S100Z: variants seen among roughly 807,000 people sequenced by gnomAD.
S100Z encodes the protein S100 calcium binding protein Z.
Under a neutral mutation model 8.5 loss-of-function variants are expected in S100Z, and 11 were observed. That is an observed-to-expected ratio of 1.30 (90% CI 0.82 to 2.15). S100Z has a LOEUF of 2.15. Ranked by LOEUF, S100Z falls within the 30% of genes most tolerant of loss-of-function variation. The pLI, the probability that S100Z is intolerant of heterozygous loss-of-function variation, is 0.00. For synonymous variants in S100Z, 34 were observed against 43.8 expected (o/e 0.78, Z 0.89); for missense variants, 126 against 117.9 (o/e 1.07, Z -0.32).
At chr5:76,878,940 G>T (rs1260723710) in intron 4 of S100Z, among the ~76,000 whole-genome samples, 1 of 152,152 alleles carries the variant, frequency 6.6e-6, no homozygotes, top group Non-Finnish European at 1.5e-5. Context: ...GTTGCTGTTT[G>T]CCCATCTGAT....
rs551109533 is a variant in S100Z, at chr5:76,911,257, C to CT, written c.*3-9459dup. ...GCTTAGTAAGGAAATGCAACAGTCC[C>CT]TGCAACACCCCAATTCTAGGAGTAC... On this transcript the variant is annotated intron_variant, in intron 4 of 4. Coordinates refer to ENST00000317593, the MANE Select transcript of S100Z (RefSeq NM_130772.4). Among the ~76,000 whole-genome samples the CT allele has an allele frequency of 1.2e-3, 187 of 152,202 alleles. 1 individual carries two copies. In the Middle Eastern group the frequency reaches 0.02, roughly 17 times the overall value.
At chr5:76,900,000 C>G (rs1345216062) in intron 4 of S100Z, among the ~76,000 whole-genome samples, 1 of 152,192 alleles carries the variant, frequency 6.6e-6, no homozygotes, top group Non-Finnish European at 1.5e-5. Context: ...GATATTTTCA[C>G]TGGATATACT....
At chr5:76,898,640 G>C (rs972037395) in intron 4 of S100Z, among the ~76,000 whole-genome samples, 3 of 152,176 alleles carry the variant, frequency 2.0e-5, no homozygotes, top group Non-Finnish European at 4.4e-5. Flanking sequence ...TGCATTCCAA[G>C]AATACATATC....
chr5:76,924,875 G>A (rs1210459864), downstream of S100Z, among the ~76,000 whole-genome samples: 1 of 151,452 alleles, frequency 6.6e-6, no homozygotes, highest in Non-Finnish European at 1.5e-5. Flanking sequence ...ATGGCGCCAC[G>A]GCACTCCAGC....
At chr5:76,911,576 G>T (rs1336639616) in intron 4 of S100Z, among the ~76,000 whole-genome samples, 1 of 152,184 alleles carries the variant, frequency 6.6e-6, no homozygotes, top group Non-Finnish European at 1.5e-5. Context: ...TCAGGCACTG[G>T]TCCAAGATCT....
intron 4 of S100Z, among the ~76,000 whole-genome samples, chr5:76,894,057 C>G (rs1296363326): frequency 6.6e-6 from 1 of 152,306 alleles, no homozygotes; most frequent in South Asian, 2.1e-4. Context: ...TGACGTGCCT[C>G]ATTGTACCTC....
the S100Z span, among the ~76,000 whole-genome samples, chr5:76,945,226 C>T: frequency 6.6e-6 from 1 of 152,178 alleles, no homozygotes; most frequent in African/African-American, 2.4e-5. Context: ...CTCCATAAAC[C>T]AGGGGCACAA....
At chr5:76,872,955 CAG>C (rs1330937687) in intron 2 of S100Z, among the ~76,000 whole-genome samples, 25 of 152,232 alleles carry the variant, frequency 1.6e-4, no homozygotes, top group African/African-American at 6.0e-4. Context: ...CCTGGGCAAC[CAG>C]AGTCAGACCT....
intron 4 of S100Z, among the ~76,000 whole-genome samples, chr5:76,891,371 T>G (rs1743848033): frequency 1.3e-5 from 2 of 152,320 alleles, no homozygotes; most frequent in South Asian, 4.1e-4. Context: ...CAGCATTTTT[T>G]AAAGGGCATC....
intron 1 of S100Z, among the ~76,000 whole-genome samples, chr5:76,862,124 A>AGTGTGTGTGT (rs374825870): frequency 0.047 from 6,480 of 138,408 alleles, 249 homozygotes; most frequent in African/African-American, 0.12. Context: ...AGGGATAAGG[A>AGTGTGTGTGT]GTGTGCGTGT....
intron 4 of S100Z, among the ~76,000 whole-genome samples, chr5:76,913,502 A>C (rs920766583): frequency 1.3e-5 from 2 of 152,216 alleles, no homozygotes; most frequent in African/African-American, 4.8e-5. Context: ...GGAATTATCT[A>C]TACCAATTCT....
At chr5:76,949,098 A>G in the S100Z span, among the ~76,000 whole-genome samples, 1 of 152,136 alleles carries the variant, frequency 6.6e-6, no homozygotes, top group Admixed American at 6.5e-5. Context: ...GTTAAAATAA[A>G]AGTTTTTAGG....
chr5:76,903,890 A>AT (rs869119186), intron 4 of S100Z, among the ~76,000 whole-genome samples: 119 of 150,418 alleles, frequency 7.9e-4, no homozygotes, highest in African/African-American at 2.7e-3. Context: ...ACGCCTGGCT[A>AT]TTTTTTTTGT....
the S100Z span, among the ~76,000 whole-genome samples, chr5:76,946,393 C>T: frequency 3.3e-5 from 5 of 152,076 alleles, no homozygotes; most frequent in Non-Finnish European, 7.4e-5. Context: ...TCCAGTTCCC[C>T]CTTTCTTCAA....
intron 4 of S100Z, among the ~76,000 whole-genome samples, chr5:76,878,821 G>A (rs1743291495): frequency 1.3e-5 from 2 of 152,356 alleles, no homozygotes; most frequent in African/African-American, 4.8e-5. Context: ...GAGATGAAGA[G>A]AAGCAGCTGA....
In S100Z at chr5:76,885,445, G is replaced by GC. The variant is rs1356564681; in HGVS notation, c.*2+7611_*2+7612insC. ...AGTGGGAACAGGGTGGGAGGTGCTT[G>GC]TCCCCAGGAAAGTGGGAACGGGGTG... On this transcript the variant is annotated intron_variant, in intron 4 of 4. Transcript: ENST00000317593. Among the ~76,000 whole-genome samples, 47 of 50,736 alleles carry GC rather than the reference G, an allele frequency of 9.3e-4. 1 individual carries two copies. The highest frequency in any genetic ancestry group is 1.1e-3 in the South Asian group (3 of 2,670). 33.3% of individuals were successfully genotyped at this position (50,736 alleles called of 152,430 possible).
At chr5:76,908,821 A>G (rs1484669458) in intron 4 of S100Z, among the ~76,000 whole-genome samples, 3 of 152,204 alleles carry the variant, frequency 2.0e-5, no homozygotes, top group African/African-American at 7.2e-5. Context: ...GGACAGGCGT[A>G]AAGTCTCAAT....
At chr5:76,887,989 G>T (rs999186032) in intron 4 of S100Z, among the ~76,000 whole-genome samples, 1 of 152,052 alleles carries the variant, frequency 6.6e-6, no homozygotes, top group Admixed American at 6.6e-5. Context: ...CAGGCACGGT[G>T]GCTCACATCT....
the S100Z span, among the ~76,000 whole-genome samples, chr5:76,933,297 G>A: frequency 3.3e-5 from 5 of 152,326 alleles, no homozygotes; most frequent in South Asian, 6.2e-4. Flanking sequence ...AAAGAAAAAC[G>A]TTGTTCCAGT....
Sources: gnomAD v4.1 joint callset for allele counts (sites outside exome capture counted in the v4.1 genomes callset) on GRCh38, gnomAD v4.1.1 for gene constraint, MANE v1.5 for transcripts, NCBI Gene and HGNC (gene_info 2026-07-23, HGNC 2026-07-21) for gene names.